GFRAL: variants seen among roughly 807,000 people sequenced by gnomAD.
GFRAL encodes GDNF family receptor alpha-like.
In GFRAL, 36 loss-of-function variants were observed where a neutral mutation model predicts 45.4. The observed-to-expected ratio is 0.79, with a 90% CI of 0.61 to 1.05. The LOEUF is 1.05. GFRAL is among the 50% of genes least tolerant of loss of function. GFRAL has a pLI of 0.00. For synonymous variants in GFRAL, 166 were observed against 154.1 expected, an observed-to-expected ratio of 1.08 and a Z score of -0.57; for missense variants, 507 against 467.5, an observed-to-expected ratio of 1.08 and a Z score of -0.78.
chr6:55,336,592 G>A (rs1380285947), intron 3 of GFRAL, among the ~76,000 whole-genome samples: 1 of 152,106 alleles, frequency 6.6e-6, no homozygotes, highest in Non-Finnish European at 1.5e-5. Context: ...GGACTTTATA[G>A]CCTATGACTT....
chr6:55,361,667 A>G (rs1262230951), intron 6 of GFRAL, among the ~76,000 whole-genome samples: 1 of 152,052 alleles, frequency 6.6e-6, no homozygotes, highest in Non-Finnish European at 1.5e-5. Flanking sequence ...AGGCCTTGCT[A>G]ATTCTAACAA....
At chr6:55,344,714 T>A (rs1268972289) in intron 3 of GFRAL, among the ~76,000 whole-genome samples, 3 of 152,112 alleles carry the variant, frequency 2.0e-5, no homozygotes, top group African/African-American at 7.2e-5. Context: ...GAGAAAGAAA[T>A]AAAGGGTATT....
At chr6:55,333,745 A>T in intron 2 of GFRAL, 41 bp from the exon 3 acceptor site, 1 of 1,339,432 alleles carries the variant, frequency 7.5e-7, no homozygotes. Flanking sequence ...CCAAAATTAT[A>T]ATCAGATTAA....
At chr6:55,342,112 C>G (rs528105315) in intron 3 of GFRAL, among the ~76,000 whole-genome samples, 1 of 152,128 alleles carries the variant, frequency 6.6e-6, no homozygotes, top group Admixed American at 6.5e-5. Flanking sequence ...AGGATACTAT[C>G]CAGGAGAACT....
chr6:55,369,666 T>TTTG (rs1768423858), intron 6 of GFRAL, among the ~76,000 whole-genome samples: 1 of 141,722 alleles, frequency 7.1e-6, no homozygotes, highest in South Asian at 2.4e-4. Flanking sequence ...GACCATAAGA[T>TTTG]TTGTGCATTT....
chr6:55,372,521 T>C (rs1768464666), intron 6 of GFRAL, among the ~76,000 whole-genome samples: 1 of 152,212 alleles, frequency 6.6e-6, no homozygotes, highest in Admixed American at 6.5e-5. Context: ...TTTAGAGGAC[T>C]AGCCTCTTTC....
Position 55,351,365 on chromosome 6 carries a change from G to A in GFRAL, c.483G>A (p.Pro161=), listed in dbSNP as rs1453742891. 2 of 1,613,530 alleles carry A rather than the reference G, an allele frequency of 1.2e-6. No homozygotes were observed. The highest frequency in any genetic ancestry group is 1.7e-6 in the Non-Finnish European group (2 of 1,179,636). The part of the protein sequence containing the change: ...YLKACSANGN[P]CDLKQCQAAI... ...AAGCTTGCTCAGCAAATGGAAATCC[G>A]TGTGATCTGAAACAGTGCCAAGCAG... Residue 161 remains proline (P), a synonymous_variant, in exon 5 of 9, where the codon CCG becomes CCA. Coordinates refer to ENST00000340465, the MANE Select transcript of GFRAL (RefSeq NM_207410.2).
intron 6 of GFRAL, among the ~76,000 whole-genome samples, chr6:55,374,118 A>G (rs963372132): frequency 6.6e-6 from 1 of 152,144 alleles, no homozygotes; most frequent in Non-Finnish European, 1.5e-5. Context: ...CATGGTATAT[A>G]TGTACCACAT....
chr6:55,351,217 T>A (rs1415487248), intron 4 of GFRAL, 36 bp from the exon 5 acceptor site: 1 of 1,436,142 alleles, frequency 7.0e-7, no homozygotes, highest in Admixed American at 2.0e-5. Context: ...GCTTTGTGTT[T>A]ACTTTTCCAC....
chr6:55,383,619 T>A (rs1012645422), intron 6 of GFRAL, among the ~76,000 whole-genome samples: 1 of 152,016 alleles, frequency 6.6e-6, no homozygotes, highest in Admixed American at 6.6e-5. Flanking sequence ...TTTGTGTACA[T>A]TCTCTGATAT....
rs547122389 is a variant in GFRAL, at chr6:55,353,054, T to C, written c.701+1471T>C. ...CAGCCAGTGCTTAGGAAAACATGTATGTGGCATTTTAGAAAAGCAGTGAGG... is the reference window on the plus strand; with the variant it reads ...CAGCCAGTGCTTAGGAAAACATGTACGTGGCATTTTAGAAAAGCAGTGAGG... On this transcript the variant is annotated intron_variant, in intron 5 of 8. Coordinates refer to ENST00000340465, the MANE Select transcript of GFRAL (RefSeq NM_207410.2). Among the ~76,000 whole-genome samples, 3 of 152,120 alleles carry C rather than the reference T, an allele frequency of 2.0e-5. No homozygotes were observed. The South Asian group carries it at 6.2e-4, about 32-fold the overall frequency.
At chr6:55,368,357 A>G (rs1768396282) in intron 6 of GFRAL, among the ~76,000 whole-genome samples, 1 of 149,386 alleles carries the variant, frequency 6.7e-6, no homozygotes, top group East Asian at 2.0e-4. Flanking sequence ...ATTTTTTTCA[A>G]AGTTTTCAAC....
chr6:55,346,831 T>TCC lies in GFRAL; in HGVS notation c.317-3251_317-3250dup, dbSNP rs1554187943. Reference sequence around the variant, plus strand: ...ATCAGTACAAAAAATAAACAAGAAATCCCCCCCCCCCAAAAAAAAGAAAAA... The same window carrying TCC: ...ATCAGTACAAAAAATAAACAAGAAATCCCCCCCCCCCCCAAAAAAAAGAAAAA... On this transcript the variant is annotated intron_variant, in intron 3 of 8. Transcript: ENST00000340465. 1.7e-3 allele frequency among the ~76,000 whole-genome samples: 36 copies of TCC among 21,526 alleles called. 1 individual carries two copies. The highest frequency in any genetic ancestry group is 4.3e-3 in the Admixed American group (8 of 1,880). The allele number at this position is 21,526 out of a possible 152,430, so 14.1% of individuals were successfully genotyped here.
At chr6:55,381,717 A>G (rs889347924) in intron 6 of GFRAL, among the ~76,000 whole-genome samples, 3 of 151,880 alleles carry the variant, frequency 2.0e-5, no homozygotes, top group African/African-American at 4.8e-5. Flanking sequence ...ATTACATGTT[A>G]TAATTTTTAC....
At chr6:55,396,634 T>C (rs1481677771) in intron 6 of GFRAL, among the ~76,000 whole-genome samples, 1 of 152,218 alleles carries the variant, frequency 6.6e-6, no homozygotes, top group South Asian at 2.1e-4. Flanking sequence ...AAATACACAA[T>C]TTTATTGTGA....
intron 6 of GFRAL, among the ~76,000 whole-genome samples, chr6:55,367,235 T>C (rs1372690632): frequency 1.6e-5 from 2 of 128,702 alleles, no homozygotes; most frequent in Non-Finnish European, 3.3e-5. Flanking sequence ...TGGTTTAAAG[T>C]CTGTTTTATC....
At chr6:55,365,036 GC>G (rs1463700532) in intron 6 of GFRAL, among the ~76,000 whole-genome samples, 1 of 149,756 alleles carries the variant, frequency 6.7e-6, no homozygotes, top group Admixed American at 6.6e-5. Flanking sequence ...GGGCAGTATG[GC>G]CATTTTCACA....
chr6:55,358,792 T>C (rs1459576884), intron 5 of GFRAL, 96 bp from the exon 6 acceptor site: 13 of 1,156,818 alleles, frequency 1.1e-5, no homozygotes, highest in Non-Finnish European at 1.5e-5. Flanking sequence ...CTCGAAGGCA[T>C]TGTGTTCTAT....
Position 55,373,448 on chromosome 6 carries a change from A to C in GFRAL, c.952+14310A>C, listed in dbSNP as rs528466372. The stretch of plus-strand genomic sequence containing the variant: ...CAAGCAGACTGGTGGCTCCTTTGGC[A>C]ATATAATCTCTTAAAAATGTGTTAG... On this transcript the variant is annotated intron_variant, in intron 6 of 8. Transcript: ENST00000340465. Among the ~76,000 whole-genome samples, 34 of 152,250 alleles carry C rather than the reference A, an allele frequency of 2.2e-4. No homozygotes were observed. In the Middle Eastern group the frequency reaches 0.01, roughly 46 times the overall value.
Sources: gnomAD v4.1 joint callset for allele counts (sites outside exome capture counted in the v4.1 genomes callset) on GRCh38, gnomAD v4.1.1 for gene constraint, MANE v1.5 for transcripts, NCBI Gene and HGNC (gene_info 2026-07-23, HGNC 2026-07-21) for gene names.